Variants in OSBPL5 observed in about 807,000 individuals in gnomAD.
OSBPL5 encodes oxysterol binding protein like 5, also known as oxysterol-binding protein-related protein 5.
A neutral mutation model predicts 111.2 loss-of-function variants in OSBPL5; 71 were observed. That is an observed-to-expected ratio of 0.64 (90% CI 0.53 to 0.78). The LOEUF is 0.78. Among genes scored for constraint, OSBPL5 ranks in the 30% least tolerant of loss-of-function variants. The pLI is 0.00. For missense variants in OSBPL5, 1,210 were observed against 1,189.3 expected, an observed-to-expected ratio of 1.02 and a Z score of -0.26; for synonymous variants, 549 against 513.9, an observed-to-expected ratio of 1.07 and a Z score of -0.93.
intron 1 of OSBPL5, among the ~76,000 whole-genome samples, chr11:3,139,112 C>T (rs1269145648): frequency 1.3e-5 from 2 of 152,182 alleles, no homozygotes; most frequent in East Asian, 3.9e-4. Context: ...AACCCTCCAG[C>T]CTCAGTCTCC....
At chr11:3,160,516 GCGCCC>G (rs1279399364) in intron 1 of OSBPL5, among the ~76,000 whole-genome samples, 85 of 152,304 alleles carry the variant, frequency 5.6e-4, no homozygotes, top group Middle Eastern at 6.8e-3. Context: ...CCACAGCGGC[GCGCCC>G]TTTAGTTGAC....
At chr11:3,089,011 C>T (rs535326387) in intron 21 of OSBPL5, among the ~76,000 whole-genome samples, 5 of 152,324 alleles carry the variant, frequency 3.3e-5, no homozygotes, top group African/African-American at 9.6e-5. Flanking sequence ...GCCTCTGAGG[C>T]GGTATCCAGT....
rs1350456833 is a variant in OSBPL5, at chr11:3,093,757, T to C, written c.1798A>G (p.Ser600Gly). The part of the protein sequence containing the change: ...TSGEEVLASL[S>G]GHWDRDVFIK... ...GGACGGCCCCTTACCCAGTGGCCAC[T>C]GAGGCTCGCCAGGACTTCCTCTCCC... Residue 600 changes from serine (S) to glycine (G), a missense_variant, in exon 16 of 22, where the codon AGT (serine) becomes GGT (glycine). Coordinates refer to ENST00000263650, the MANE Select transcript of OSBPL5 (RefSeq NM_020896.4). 1 of 1,612,820 alleles carries C rather than the reference T, an allele frequency of 6.2e-7. No homozygotes were observed. Among genetic ancestry groups the C allele is most frequent in the East Asian group, 2.2e-5 (1 of 44,858 alleles).
chr11:3,094,008 T>G (rs1179396677), intron 15 of OSBPL5, among the ~76,000 whole-genome samples, 173 bp from the exon 16 acceptor site: 4 of 152,042 alleles, frequency 2.6e-5, no homozygotes, highest in Non-Finnish European at 4.4e-5. Context: ...CGCTCAAGGA[T>G]GTAGTGTCCC....
At chr11:3,093,152 C>T (rs552178452) in intron 17 of OSBPL5, 100 bp from the exon 18 acceptor site, 2 of 1,251,180 alleles carry the variant, frequency 1.6e-6, no homozygotes, top group South Asian at 1.6e-5. Flanking sequence ...AGGCACAGAG[C>T]AACCTCTGCG....
rs1342525950 is a variant in OSBPL5, at chr11:3,141,206, T to A, written c.-21-12037A>T. ...CCCCGCCCAGCAGACAGTATCGTCA[T>A]CATGTGTGATGCAGGGAGGGCACAG... On this transcript the variant is annotated intron_variant, in intron 1 of 21. Coordinates refer to ENST00000263650, the MANE Select transcript of OSBPL5 (RefSeq NM_020896.4). This position sits in a 1 kb window ranked among gnomAD's most constrained non-coding sequence, Gnocchi z 6.5. Among the ~76,000 whole-genome samples the A allele has an allele frequency of 6.6e-6, 1 of 152,172 alleles. No homozygotes were observed. Among genetic ancestry groups the A allele is most frequent in the East Asian group, 1.9e-4 (1 of 5,188 alleles).
chr11:3,158,821 T>C (rs1195231273), intron 1 of OSBPL5, among the ~76,000 whole-genome samples: 1 of 152,196 alleles, frequency 6.6e-6, no homozygotes, highest in Non-Finnish European at 1.5e-5. Context: ...CAGGAGCAGA[T>C]GGACAGAAGC....
chr11:3,088,908 A>G (rs1856963963), intron 21 of OSBPL5, among the ~76,000 whole-genome samples: 2 of 151,402 alleles, frequency 1.3e-5, no homozygotes, highest in African/African-American at 4.9e-5. Flanking sequence ...CGGGACCGCG[A>G]GGGAGTAGAC....
At position 3,103,859 on chromosome 11, in the gene OSBPL5, C is replaced by CAGCCCTCTTCCTGCCTGT. The variant is rs1564830734; in HGVS notation, c.1244+333_1244+334insACAGGCAGGAAGAGGGCT. Reference sequence around the variant, plus strand: ...GCCTCTGCAGCCCCTTTCCAGTCTGCGCAGCCCCCTTCCTGCCTCTGTAGC... The same window carrying CAGCCCTCTTCCTGCCTGT: ...GCCTCTGCAGCCCCTTTCCAGTCTGCAGCCCTCTTCCTGCCTGTGCAGCCCCCTTCCTGCCTCTGTAGC... On this transcript the variant is annotated intron_variant, in intron 10 of 21. Coordinates refer to ENST00000263650, the MANE Select transcript of OSBPL5 (RefSeq NM_020896.4). Among the ~76,000 whole-genome samples the CAGCCCTCTTCCTGCCTGT allele has an allele frequency of 7.9e-4, 32 of 40,626 alleles. 1 individual carries two copies. Among genetic ancestry groups the CAGCCCTCTTCCTGCCTGT allele is most frequent in the African/African-American group, 2.1e-3 (32 of 15,508 alleles). The allele number at this position is 40,626 out of a possible 152,430, so 26.7% of individuals were successfully genotyped here.
At chr11:3,136,544 C>T (rs74609120) in intron 1 of OSBPL5, among the ~76,000 whole-genome samples, 4,764 of 152,352 alleles carry the variant, frequency 0.031, 111 homozygotes, top group East Asian at 0.068. Context: ...CTGGGGACCG[C>T]AGAGCTGGGG....
At chr11:3,100,360 C>T (rs529371986) in intron 13 of OSBPL5, 104 bp from the exon 14 acceptor site, 54 of 925,608 alleles carry the variant, frequency 5.8e-5, no homozygotes, top group African/African-American at 9.8e-5. Flanking sequence ...CAGCTGAACA[C>T]GCTCCTGGCA....
Position 3,148,830 on chromosome 11 carries a change from A to G in OSBPL5, c.-22+16386T>C, listed in dbSNP as rs556527378. On this transcript the variant is annotated intron_variant, in intron 1 of 21. Coordinates refer to ENST00000263650, the MANE Select transcript of OSBPL5 (RefSeq NM_020896.4). The stretch of plus-strand genomic sequence containing the variant: ...AGGCAAAGGTGACAACCAGCTAGAT[A>G]AGAGGCTCAAACAGGTGAAAAATCA... 3.9e-5 allele frequency among the ~76,000 whole-genome samples: 6 copies of G among 152,334 alleles called. No individual in the cohort carries two copies. In the East Asian group the frequency reaches 1.2e-3, roughly 29 times the overall value.
chr11:3,107,928 C>A lies in OSBPL5; in HGVS notation c.709G>T (p.Ala237Ser). ...GAGCAGCGCAGGGCCAGCTCCAGGG[C>A]GTCCAGCCAGCAGCGACCTGCGGGG... ...SESDGRCWLD[A>S]LELALRCSSL... is the part of the protein sequence containing the mutation. The change falls in exon 8 of 22, where the codon GCC becomes TCC. Residue 237 changes from alanine (A) to serine (S), a missense_variant. Transcript: ENST00000263650. This position sits in a 1 kb window ranked among gnomAD's most constrained non-coding sequence, Gnocchi z 6.1. 1 of 1,600,146 alleles carries A rather than the reference C, an allele frequency of 6.2e-7. No homozygotes were observed. Among genetic ancestry groups the A allele is most frequent in the Non-Finnish European group, 8.5e-7 (1 of 1,179,756 alleles).
chr11:3,126,432 C>G lies in OSBPL5; in HGVS notation c.219+41G>C, dbSNP rs773878379. On this transcript the variant is annotated intron_variant, in intron 3 of 21. Coordinates refer to ENST00000263650, the MANE Select transcript of OSBPL5 (RefSeq NM_020896.4). The surrounding 1 kb of genome is among the most constrained non-coding windows in gnomAD (Gnocchi z 6.5). Reference sequence around the variant, plus strand: ...AGCCGTTTCCTGCTGTCCCCAGAGCCAGGCTCTGGCTCATGGATCCTCCTA... The same window carrying G: ...AGCCGTTTCCTGCTGTCCCCAGAGCGAGGCTCTGGCTCATGGATCCTCCTA... 259 of 1,533,958 alleles carry G rather than the reference C, an allele frequency of 1.7e-4. 1 individual carries two copies. Among genetic ancestry groups the G allele is most frequent in the Non-Finnish European group, 2.2e-4 (249 of 1,137,776 alleles).
chr11:3,094,152 T>C, intron 15 of OSBPL5, 85 bp downstream of exon 15: 1 of 1,337,566 alleles, frequency 7.5e-7, no homozygotes, highest in Non-Finnish European at 1.0e-6. Context: ...GAACCTTCCT[T>C]GGGGCCTGGG....
Position 3,087,449 on chromosome 11 carries a change from A to G in OSBPL5, c.*756T>C. On this transcript the variant is annotated 3_prime_UTR_variant, in exon 22 of 22. Coordinates refer to ENST00000263650, the MANE Select transcript of OSBPL5 (RefSeq NM_020896.4). ...GAAGACTGTGCATCGGTCTGAGTAA[A>G]GTGGCGAACTTGAGCCTCCCCGGCC... The G allele has an allele frequency of 6.5e-6, 1 of 154,534 alleles. No homozygotes were observed. The highest frequency in any genetic ancestry group is 5.5e-4 in the Middle Eastern group (1 of 1,818). The allele number at this position is 154,534 out of a possible 1,614,324, so 9.6% of individuals were successfully genotyped here.
intron 1 of OSBPL5, among the ~76,000 whole-genome samples, chr11:3,134,160 G>A (rs1845889007): frequency 6.6e-6 from 1 of 152,200 alleles, no homozygotes; most frequent in Non-Finnish European, 1.5e-5. Context: ...TCCATTCCTG[G>A]GGGGCCTAAG....
intron 14 of OSBPL5, among the ~76,000 whole-genome samples, chr11:3,098,628 C>A (rs1216147137): frequency 6.6e-6 from 1 of 150,612 alleles, no homozygotes; most frequent in African/African-American, 2.5e-5. Flanking sequence ...GCCTCAGCCT[C>A]CTGAGTAGCT....
At chr11:3,119,167 G>T (rs985316501) in intron 7 of OSBPL5, among the ~76,000 whole-genome samples, 2 of 151,944 alleles carry the variant, frequency 1.3e-5, no homozygotes, top group African/African-American at 4.8e-5. Context: ...CTGCCACCAC[G>T]CCTGGCTAAT....
Sources: gnomAD v4.1 joint callset for allele counts (sites outside exome capture counted in the v4.1 genomes callset) on GRCh38, gnomAD v4.1.1 for gene constraint, Gnocchi (gnomAD v3.1) non-coding constraint, MANE v1.5 for transcripts, NCBI Gene and HGNC (gene_info 2026-07-23, HGNC 2026-07-21) for gene names.